GRM7: variants seen among roughly 807,000 people sequenced by gnomAD.
GRM7 encodes the protein glutamate metabotropic receptor 7.
In GRM7, 35 loss-of-function variants were observed where a neutral mutation model predicts 84.5. The ratio of observed to expected loss-of-function variants is 0.41; its 90% CI spans 0.32 to 0.55. The LOEUF is 0.55. Ranked by LOEUF, GRM7 falls within the 20% of genes least tolerant of loss-of-function variation. The pLI is 0.19. For synonymous variants in GRM7, 487 were observed against 455.1 expected, an observed-to-expected ratio of 1.07 and a Z score of -0.89; for missense variants, 1,003 against 1,194.6, an observed-to-expected ratio of 0.84 and a Z score of 2.36.
chr3:7,365,664 TAC>T (rs1416306544), intron 4 of GRM7, among the ~76,000 whole-genome samples: 12,205 of 144,526 alleles, frequency 0.084, 556 homozygotes, highest in African/African-American at 0.098. Context: ...TATATATATA[TAC>T]ACACACGCAC....
intron 2 of GRM7, among the ~76,000 whole-genome samples, chr3:7,274,423 T>C (rs1452488574): frequency 6.6e-6 from 1 of 152,076 alleles, no homozygotes; most frequent in Non-Finnish European, 1.5e-5. Context: ...ACTTTTAACA[T>C]TTTTTACAAG....
At chr3:7,055,055 A>C (rs1697162368) in intron 1 of GRM7, among the ~76,000 whole-genome samples, 1 of 151,902 alleles carries the variant, frequency 6.6e-6, no homozygotes, top group African/African-American at 2.4e-5. Context: ...TTTTTGTATC[A>C]ATCTTTTTTT....
In GRM7 at chr3:6,928,284, G is replaced by T. The variant is rs1157434550; in HGVS notation, c.519+66377G>T. ...AGGTACTAAAAAATGCAGTTGTAAT[G>T]ACTTGTTAACTTGTAGATATGATTA... On this transcript the variant is annotated intron_variant, in intron 1 of 9. Coordinates refer to ENST00000357716, the MANE Select transcript of GRM7 (RefSeq NM_000844.4). The surrounding 1 kb of genome is among the most constrained non-coding windows in gnomAD (Gnocchi z 4.5). Among the ~76,000 whole-genome samples the T allele has an allele frequency of 2.0e-5, 3 of 151,984 alleles. No individual in the cohort carries two copies. Among genetic ancestry groups the T allele is most frequent in the African/African-American group, 7.2e-5 (3 of 41,382 alleles).
intron 8 of GRM7, among the ~76,000 whole-genome samples, chr3:7,634,654 C>T (rs1343105996): frequency 6.6e-5 from 10 of 151,768 alleles, no homozygotes; most frequent in East Asian, 2.0e-4. Context: ...ATTAGCCGGG[C>T]GTGGCGGTGT....
intron 7 of GRM7, among the ~76,000 whole-genome samples, chr3:7,555,493 CTGT>C (rs1390829114): frequency 4.6e-5 from 7 of 152,144 alleles, no homozygotes; most frequent in Non-Finnish European, 8.8e-5. Context: ...TTTGCAATAG[CTGT>C]TGTTGTTTTT....
At chr3:7,562,377 A>G (rs751021950) in intron 7 of GRM7, among the ~76,000 whole-genome samples, 1 of 152,008 alleles carries the variant, frequency 6.6e-6, no homozygotes, top group Non-Finnish European at 1.5e-5. Context: ...AAAAAATACT[A>G]GTTTTAATTG....
intron 1 of GRM7, among the ~76,000 whole-genome samples, chr3:6,873,452 G>T (rs1695198701): frequency 6.6e-6 from 1 of 152,126 alleles, no homozygotes; most frequent in Non-Finnish European, 1.5e-5. Flanking sequence ...TCAGATTCCT[G>T]CTTTCCACTT....
chr3:7,401,834 T>G (rs1319127159), intron 4 of GRM7, among the ~76,000 whole-genome samples: 4 of 152,070 alleles, frequency 2.6e-5, no homozygotes, highest in African/African-American at 9.7e-5. Context: ...ATCTGACTTA[T>G]CCCCACGTCA....
chr3:7,603,395 C>A (rs562352588), intron 8 of GRM7, among the ~76,000 whole-genome samples: 1 of 151,994 alleles, frequency 6.6e-6, no homozygotes, highest in Non-Finnish European at 1.5e-5. Flanking sequence ...TCTTAGTACC[C>A]CCAGACCCCA....
intron 1 of GRM7, among the ~76,000 whole-genome samples, chr3:7,037,002 G>C (rs914219560): frequency 2.6e-5 from 4 of 152,138 alleles, no homozygotes; most frequent in African/African-American, 9.7e-5. Flanking sequence ...TTGAATCTCT[G>C]ATTTCTCCAT....
In GRM7 at chr3:7,609,542, G is replaced by A. The variant is rs553372179; in HGVS notation, c.2451+30185G>A. 3.5e-4 allele frequency among the ~76,000 whole-genome samples: 53 copies of A among 151,730 alleles called. No individual in the cohort carries two copies. The South Asian group carries it at 0.011, about 30-fold the overall frequency. ...GATGAGCCTTTCCTCCACATTAGCA[G>A]GAGGAAAAAACAGAGCAGGCACAGG... is the stretch of plus-strand genomic sequence containing the variant. On this transcript the variant is annotated intron_variant, in intron 8 of 9. Transcript: ENST00000357716.
rs188084525 is a variant in GRM7, at chr3:7,641,476, G to C, written c.2452-38573G>C. ...ATTATCTAATCTTGCTATAGAGAAG[G>C]ACTTTCTAGGGCAGTGGTTTTTAAC... On this transcript the variant is annotated intron_variant, in intron 8 of 9. Coordinates refer to ENST00000357716, the MANE Select transcript of GRM7 (RefSeq NM_000844.4). 1.9e-4 allele frequency among the ~76,000 whole-genome samples: 29 copies of C among 152,240 alleles called. 1 individual carries two copies. Among genetic ancestry groups the C allele is most frequent in the Admixed American group, 1.8e-3 (28 of 15,282 alleles).
rs528940632 is a variant in GRM7, at chr3:7,567,278, T to TAACTA, written c.1516-11142_1516-11138dup. ...GTTCCCATTAAATCATAATAGAGTA[T>TAACTA]AACTAAGCATTTTAGGTGCCCCATT... On this transcript the variant is annotated intron_variant, in intron 7 of 9. Transcript: ENST00000357716. 1.1e-4 allele frequency among the ~76,000 whole-genome samples: 16 copies of TAACTA among 152,320 alleles called. No individual in the cohort carries two copies. In the South Asian group the frequency reaches 2.1e-3, roughly 20 times the overall value.
intron 4 of GRM7, among the ~76,000 whole-genome samples, chr3:7,407,628 G>A (rs1320195840): frequency 3.9e-5 from 6 of 152,270 alleles, no homozygotes; most frequent in East Asian, 3.9e-4. Context: ...AGTAGGTGCC[G>A]CTTTAAGTCG....
intron 7 of GRM7, among the ~76,000 whole-genome samples, chr3:7,555,658 G>C (rs1185359109): frequency 1.3e-5 from 2 of 152,148 alleles, no homozygotes; most frequent in South Asian, 4.1e-4. Context: ...ATCTTGAATT[G>C]GCAAATATTT....
At chr3:7,031,082 GA>G (rs760721358) in intron 1 of GRM7, among the ~76,000 whole-genome samples, 4 of 151,962 alleles carry the variant, frequency 2.6e-5, no homozygotes, top group African/African-American at 7.2e-5. Flanking sequence ...TCCTTAGGTA[GA>G]AAAAAAGTGT....
intron 1 of GRM7, among the ~76,000 whole-genome samples, chr3:6,930,423 A>G (rs1183735464): frequency 6.6e-6 from 1 of 152,188 alleles, no homozygotes; most frequent in Non-Finnish European, 1.5e-5. Context: ...TAACACATCA[A>G]ATTATATCCA....
At chr3:7,517,631 C>G (rs983493455) in intron 7 of GRM7, among the ~76,000 whole-genome samples, 1 of 152,060 alleles carries the variant, frequency 6.6e-6, no homozygotes, top group African/African-American at 2.4e-5. Flanking sequence ...TGACCTCAAG[C>G]AATCACCTGT....
At chr3:7,276,440 G>A (rs1019205045) in intron 2 of GRM7, among the ~76,000 whole-genome samples, 3 of 151,772 alleles carry the variant, frequency 2.0e-5, no homozygotes, top group East Asian at 1.9e-4. Flanking sequence ...ATTGCATGGC[G>A]ATCCTCCCTA....
Sources: gnomAD v4.1 joint callset for allele counts (sites outside exome capture counted in the v4.1 genomes callset) on GRCh38, gnomAD v4.1.1 for gene constraint, Gnocchi (gnomAD v3.1) non-coding constraint, MANE v1.5 for transcripts, NCBI Gene and HGNC (gene_info 2026-07-23, HGNC 2026-07-21) for gene names.